Variants in CCDC66 observed in about 807,000 individuals in gnomAD.
The protein encoded by CCDC66 is coiled-coil domain-containing protein 66.
Under a neutral mutation model 128.3 loss-of-function variants are expected in CCDC66, and 133 were observed. The observed-to-expected ratio is 1.04, with a 90% CI of 0.90 to 1.20. The LOEUF (loss-of-function observed/expected upper bound fraction) is 1.20. Ranked by LOEUF, CCDC66 falls within the 50% of genes most tolerant of loss-of-function variation. CCDC66 has a pLI of 0.00. For missense variants in CCDC66, 1,126 were observed against 1,075.5 expected (o/e 1.05, Z -0.66); for synonymous variants, 387 against 357.0 (o/e 1.08, Z -0.95).
chr3:56,592,862 A>C (rs2071171926), intron 7 of CCDC66, 108 bp from the exon 8 acceptor site: 3 of 1,084,666 alleles, frequency 2.8e-6, no homozygotes, highest in Non-Finnish European at 4.0e-6. Context: ...CTTACAGATA[A>C]ATGCCTCAGT....
chr3:56,604,686 C>A (rs1010218811), intron 10 of CCDC66, among the ~76,000 whole-genome samples: 1 of 151,790 alleles, frequency 6.6e-6, no homozygotes, highest in Admixed American at 6.6e-5. Flanking sequence ...GTGGGTAACC[C>A]GACCTTTCTC....
intron 7 of CCDC66, among the ~76,000 whole-genome samples, chr3:56,592,574 G>A (rs1208017816): frequency 6.6e-6 from 1 of 151,550 alleles, no homozygotes; most frequent in Admixed American, 6.6e-5. Context: ...TGTTGGCCAG[G>A]GGCTGGCCTT....
In CCDC66 at chr3:56,584,436, C is replaced by T. The variant is rs368583260; in HGVS notation, c.937-8534C>T. 4.0e-4 allele frequency among the ~76,000 whole-genome samples: 58 copies of T among 146,150 alleles called. 3 individuals are homozygous for T. Among genetic ancestry groups the T allele is most frequent in the Admixed American group, 2.0e-3 (29 of 14,578 alleles). ...CAGACGGGGCGGCCAGGCGGAGACG[C>T]TCCTCACCTCCCAGACGGGGTCGCG... On this transcript the variant is annotated intron_variant, in intron 7 of 17. Coordinates refer to ENST00000394672, the MANE Select transcript of CCDC66 (RefSeq NM_001141947.3).
intron 6 of CCDC66, among the ~76,000 whole-genome samples, chr3:56,568,513 C>A (rs2066193332): frequency 6.6e-6 from 1 of 152,132 alleles, no homozygotes; most frequent in Non-Finnish European, 1.5e-5. Context: ...TGCCTTAGGT[C>A]GTGTCTTTTT....
At chr3:56,557,626 C>G (rs574011376) in intron 1 of CCDC66, 1 of 256,098 alleles carries the variant, frequency 3.9e-6, no homozygotes, top group Admixed American at 5.1e-5. Flanking sequence ...GGGTTCTTCG[C>G]CACCTTGTTT....
intron 4 of CCDC66, among the ~76,000 whole-genome samples, chr3:56,564,889 A>G (rs1470167056): frequency 6.6e-6 from 1 of 152,218 alleles, no homozygotes; most frequent in Non-Finnish European, 1.5e-5. Flanking sequence ...CTCTCTTGTT[A>G]TAGATTATTC....
chr3:56,558,905 C>T lies in CCDC66; in HGVS notation c.71C>T (p.Pro24Leu). The change falls in exon 2 of 18, where the codon CCA (proline) becomes CTA (leucine). Residue 24 changes from proline to leucine, a missense_variant. Physicochemically the swap from Pro to Leu is moderately conservative, Grantham distance 98. Transcript: ENST00000394672. ...GGAAAAACCAAGCTAATATTGTCTC[C>T]ATATGGTATGTTGTGTTACAGAAAT... ...LDGKTKLILS[P>L]YEHKSKISVK... The T allele has an allele frequency of 6.5e-7, 1 of 1,543,174 alleles. No individual in the cohort carries two copies. The highest frequency in any genetic ancestry group is 8.8e-7 in the Non-Finnish European group (1 of 1,140,710).
At chr3:56,586,912 C>G (rs1353444773) in intron 7 of CCDC66, among the ~76,000 whole-genome samples, 1 of 151,612 alleles carries the variant, frequency 6.6e-6, no homozygotes, top group Non-Finnish European at 1.5e-5. Context: ...AAAAATTAGC[C>G]GAGCATGGTG....
In CCDC66 at chr3:56,618,601, T is replaced by A. The variant is rs568477744; in HGVS notation, c.2378+389T>A. 2.0e-3 allele frequency: 347 copies of A among 176,648 alleles called. 15 individuals carry two copies. In the South Asian group the frequency reaches 0.058, roughly 29 times the overall value. 10.9% of individuals were successfully genotyped at this position (176,648 alleles called of 1,614,324 possible). On this transcript the variant is annotated intron_variant, in intron 15 of 17. Transcript: ENST00000394672. Reference sequence around the variant, plus strand: ...CAGTTAATGAGAGATTTAGAACCATTAGAATTTTTATTCTTTGTGCATGAA... The same window carrying A: ...CAGTTAATGAGAGATTTAGAACCATAAGAATTTTTATTCTTTGTGCATGAA...
At chr3:56,616,080 T>C (rs1312794755) in intron 13 of CCDC66, 27 bp downstream of exon 13, 2 of 1,558,154 alleles carry the variant, frequency 1.3e-6, no homozygotes, top group African/African-American at 2.8e-5. Flanking sequence ...TGTGGTTTGG[T>C]TTAAAATTTA....
intron 4 of CCDC66, among the ~76,000 whole-genome samples, chr3:56,566,140 T>TGTTTTG (rs59916205): frequency 6.7e-6 from 1 of 150,040 alleles, no homozygotes; most frequent in South Asian, 2.1e-4. Flanking sequence ...TGTTTTGTTT[T>TGTTTTG]TTTGAGACGA....
intron 10 of CCDC66, among the ~76,000 whole-genome samples, chr3:56,595,380 C>G (rs1410502634): frequency 1.3e-5 from 2 of 152,186 alleles, no homozygotes; most frequent in Non-Finnish European, 2.9e-5. Flanking sequence ...TAACCTACCT[C>G]TCTTGATCAC....
chr3:56,561,902 T>G (rs1255947675), intron 3 of CCDC66, among the ~76,000 whole-genome samples: 1 of 152,138 alleles, frequency 6.6e-6, no homozygotes, highest in African/African-American at 2.4e-5. Context: ...TTTCCCCCAT[T>G]TCCCACTGGT....
intron 10 of CCDC66, among the ~76,000 whole-genome samples, chr3:56,613,331 A>G (rs936255384): frequency 1.3e-5 from 2 of 152,142 alleles, no homozygotes; most frequent in South Asian, 2.1e-4. Context: ...TTTTCCTCCA[A>G]TTAGGCAGCC....
intron 7 of CCDC66, among the ~76,000 whole-genome samples, chr3:56,591,192 A>C (rs370169005): frequency 2.6e-5 from 4 of 152,350 alleles, no homozygotes; most frequent in African/African-American, 9.6e-5. Context: ...TTTGTAAGAC[A>C]TCCTTGAGTA....
At chr3:56,581,570 T>C (rs995750372) in intron 7 of CCDC66, among the ~76,000 whole-genome samples, 2 of 151,856 alleles carry the variant, frequency 1.3e-5, no homozygotes, top group Non-Finnish European at 2.9e-5. Flanking sequence ...TCTTTGATGA[T>C]GGTGACGTAC....
At chr3:56,584,299 G>T (rs1457590277) in intron 7 of CCDC66, among the ~76,000 whole-genome samples, 2 of 82,358 alleles carry the variant, frequency 2.4e-5, no homozygotes, top group Non-Finnish European at 4.9e-5. Context: ...CTCAGACGGG[G>T]TGGCTGCCGG....
chr3:56,609,660 T>G (rs1052049594), intron 10 of CCDC66, among the ~76,000 whole-genome samples: 9 of 152,232 alleles, frequency 5.9e-5, no homozygotes, highest in Non-Finnish European at 1.5e-5. Flanking sequence ...TTTTGTTTTT[T>G]AACTTGTATT....
At chr3:56,562,534 A>G (rs1362506916) in intron 3 of CCDC66, among the ~76,000 whole-genome samples, 1 of 152,242 alleles carries the variant, frequency 6.6e-6, no homozygotes, top group Non-Finnish European at 1.5e-5. Flanking sequence ...TAGTTGAACT[A>G]TAAAACAATA....
Sources: allele counts gnomAD v4.1 joint callset (sites outside exome capture counted in the v4.1 genomes callset), GRCh38; gene constraint gnomAD v4.1.1; transcripts MANE v1.5; gene names NCBI Gene and HGNC (gene_info 2026-07-23, HGNC 2026-07-21).